GLIS1: variants seen among roughly 807,000 people sequenced by gnomAD.
GLIS1 encodes the protein GLIS family zinc finger 1.
A neutral mutation model predicts 63.8 loss-of-function variants in GLIS1; 24 were observed. The observed-to-expected ratio is 0.38, with a 90% confidence interval of 0.27 to 0.53. The LOEUF (loss-of-function observed/expected upper bound fraction) is 0.53, where lower values mean the gene tolerates loss of function less well. Ranked by LOEUF, GLIS1 falls within the 20% of genes least tolerant of loss-of-function variation. GLIS1 has a pLI of 0.85. For missense variants in GLIS1, 1,036 were observed against 1,074.1 expected, an observed-to-expected ratio of 0.96 and a Z score of 0.50; for synonymous variants, 450 against 482.5, an observed-to-expected ratio of 0.93 and a Z score of 0.88.
chr1:53,710,309 G>A (rs1025232933), intron 2 of GLIS1, among the ~76,000 whole-genome samples: 8 of 152,356 alleles, frequency 5.3e-5, no homozygotes, highest in African/African-American at 1.2e-4. Context: ...GGGCACGGCC[G>A]CAGGGCCATA....
intron 2 of GLIS1, among the ~76,000 whole-genome samples, chr1:53,710,726 C>T (rs559334301): frequency 2.0e-5 from 3 of 152,242 alleles, no homozygotes; most frequent in East Asian, 1.9e-4. Context: ...CAGGTGGCTG[C>T]GAAGCTCCAA....
chr1:53,574,645 G>A lies in GLIS1; in HGVS notation c.1320+19463C>T, dbSNP rs1645014486. Among the ~76,000 whole-genome samples, 1 of 152,196 alleles carries A rather than the reference G, an allele frequency of 6.6e-6. No individual in the cohort carries two copies. Among genetic ancestry groups the A allele is most frequent in the Non-Finnish European group, 1.5e-5 (1 of 68,028 alleles). On this transcript the variant is annotated intron_variant, in intron 4 of 10. Coordinates refer to ENST00000628545, the MANE Select transcript of GLIS1 (RefSeq NM_001367484.1). This position sits in a 1 kb window ranked among gnomAD's most constrained non-coding sequence, Gnocchi z 4.2. ...TCTCACCCTTTCTCTGCCTGGAGAG[G>A]CTGGTGGGTCATGATGTCTGCTGGT...
intron 2 of GLIS1, among the ~76,000 whole-genome samples, chr1:53,678,348 A>AGGGGGGGGGGGG (rs1646238583): frequency 3.8e-4 from 1 of 2,618 alleles, no homozygotes; most frequent in African/African-American, 1.4e-3. Context: ...GGTGGGGGGC[A>AGGGGGGGGGGGG]GGGGGGAGCG....
chr1:53,520,639 A>G lies in GLIS1; in HGVS notation c.1721T>C (p.Leu574Pro). Reference sequence around the variant, plus strand: ...CTGCCTCCCCGCACACGTACCTGGGAGCAGCTCCTGGCCCAGGCCACAGCC... The same window carrying G: ...CTGCCTCCCCGCACACGTACCTGGGGGCAGCTCCTGGCCCAGGCCACAGCC... ...KGGCGLGQEL[L>P]PGVYPGSITP... Residue 574 changes from leucine (L) to proline (P), a missense_variant, in exon 7 of 11, where the codon CTC (leucine) becomes CCC (proline). Around this residue, in one of 3 missense-constraint regions of GLIS1, gnomAD observed 400 missense variants for 400.9 expected, o/e 1.00. Transcript: ENST00000628545. 1 of 1,607,738 alleles carries G rather than the reference A, an allele frequency of 6.2e-7. No homozygotes were observed. Among genetic ancestry groups the G allele is most frequent in the Non-Finnish European group, 8.5e-7 (1 of 1,177,438 alleles).
intron 2 of GLIS1, among the ~76,000 whole-genome samples, chr1:53,708,101 T>C (rs1646599617): frequency 6.6e-6 from 1 of 151,746 alleles, no homozygotes; most frequent in African/African-American, 2.4e-5. Flanking sequence ...GCTAACACGG[T>C]GAAAACCTGT....
intron 4 of GLIS1, among the ~76,000 whole-genome samples, chr1:53,561,674 AG>A (rs1311686612): frequency 6.6e-6 from 1 of 152,228 alleles, no homozygotes; most frequent in Non-Finnish European, 1.5e-5. Context: ...TCACTCAGGA[AG>A]CTCAGAACAT....
chr1:53,553,953 T>C (rs1557446962), intron 4 of GLIS1, among the ~76,000 whole-genome samples: 1 of 152,072 alleles, frequency 6.6e-6, no homozygotes. Flanking sequence ...GTCTGGAGGT[T>C]CTGGGGGACA....
At chr1:53,720,988 A>AC (rs1646748398) in intron 2 of GLIS1, among the ~76,000 whole-genome samples, 4 of 151,720 alleles carry the variant, frequency 2.6e-5, no homozygotes, top group African/African-American at 9.7e-5. Context: ...ACAGAACAAG[A>AC]CCCCATCTCA....
chr1:53,560,062 C>T lies in GLIS1; in HGVS notation c.1321-30110G>A, dbSNP rs540929065. Among the ~76,000 whole-genome samples the T allele has an allele frequency of 7.9e-5, 12 of 152,238 alleles. No homozygotes were observed. The highest frequency in any genetic ancestry group is 2.1e-4 in the South Asian group (1 of 4,822). On this transcript the variant is annotated intron_variant, in intron 4 of 10. Transcript: ENST00000628545. The surrounding 1 kb of genome is among the most constrained non-coding windows in gnomAD (Gnocchi z 4.4). ...GACTTCCCAGGCAGGATTAGAGGCC[C>T]GTAGACTCCCACAGCTGCATGCCTA...
At chr1:53,582,463 G>A (rs183503788) in intron 4 of GLIS1, among the ~76,000 whole-genome samples, 2 of 152,324 alleles carry the variant, frequency 1.3e-5, no homozygotes, top group Non-Finnish European at 2.9e-5. Flanking sequence ...ACCGCCAACC[G>A]TCTCCTGCTG....
intron 4 of GLIS1, among the ~76,000 whole-genome samples, chr1:53,564,302 T>C (rs1189716024): frequency 6.6e-6 from 1 of 152,154 alleles, no homozygotes; most frequent in Non-Finnish European, 1.5e-5. Context: ...AATTCATAGG[T>C]AATCATTAAG....
At chr1:53,602,625 C>T (rs1645329901) in intron 2 of GLIS1, among the ~76,000 whole-genome samples, 1 of 152,184 alleles carries the variant, frequency 6.6e-6, no homozygotes, top group Non-Finnish European at 1.5e-5. Flanking sequence ...TCATCAAGAC[C>T]TTCAAGGGTC....
chr1:53,674,171 C>CAA (rs11297748), intron 2 of GLIS1, among the ~76,000 whole-genome samples: 4 of 94,084 alleles, frequency 4.3e-5, no homozygotes, highest in East Asian at 3.1e-4. Flanking sequence ...GACTCTGTCT[C>CAA]AAAAAAAAAA....
chr1:53,586,972 C>T (rs984456445), intron 4 of GLIS1, among the ~76,000 whole-genome samples: 1 of 133,420 alleles, frequency 7.5e-6, no homozygotes, highest in African/African-American at 2.9e-5. Context: ...ACCACTGTTA[C>T]ACACAGCGCA....
intron 2 of GLIS1, among the ~76,000 whole-genome samples, chr1:53,653,238 G>C (rs1292370621): frequency 6.6e-6 from 1 of 152,198 alleles, no homozygotes; most frequent in African/African-American, 2.4e-5. Context: ...TGCTAGACTG[G>C]TAAAGAAGCA....
chr1:53,654,337 CA>C (rs1360274445), intron 2 of GLIS1, among the ~76,000 whole-genome samples: 3 of 152,062 alleles, frequency 2.0e-5, no homozygotes, highest in Non-Finnish European at 2.9e-5. Flanking sequence ...ACACAGAGGC[CA>C]GGGGGATGGA....
At chr1:53,615,471 G>T (rs759952057) in intron 2 of GLIS1, among the ~76,000 whole-genome samples, 22 of 152,136 alleles carry the variant, frequency 1.4e-4, no homozygotes, top group Non-Finnish European at 2.8e-4. Context: ...TCCAGGCTGG[G>T]GTGCAAAGCA....
chr1:53,594,360 G>A lies in GLIS1; in HGVS notation c.1068C>T (p.Gly356=), dbSNP rs754771890. 7 of 1,611,394 alleles carry A rather than the reference G, an allele frequency of 4.3e-6. No individual in the cohort carries two copies. In the African/African-American group the frequency reaches 9.3e-5, roughly 22 times the overall value. The change falls in exon 4 of 11, where the codon GGC becomes GGT. Residue 356 remains glycine, a synonymous_variant. Transcript: ENST00000628545. ...SQLPPGPSLG[G]LGLGLAGRVV... ...CCCTGCCTGCCAGGCCCAGCCCCAG[G>A]CCTCCAAGGCTTGGGCCAGGCGGCA...
At chr1:53,583,727 T>C (rs1645107640) in intron 4 of GLIS1, among the ~76,000 whole-genome samples, 1 of 152,094 alleles carries the variant, frequency 6.6e-6, no homozygotes. Flanking sequence ...GTCACAAGAA[T>C]GTATTGCGAG....
Sources: allele counts gnomAD v4.1 joint callset (sites outside exome capture counted in the v4.1 genomes callset), GRCh38; gene constraint gnomAD v4.1.1; regional missense constraint gnomAD v4.1.1; non-coding constraint Gnocchi (gnomAD v3.1); transcripts MANE v1.5; gene names NCBI Gene and HGNC (gene_info 2026-07-23, HGNC 2026-07-21).